Variants in SPMAP2L observed in about 807,000 individuals in gnomAD.
SPMAP2L encodes the protein sperm microtubule associated protein 2-like.
At chr4:56,624,528 G>T in the SPMAP2L span, among the ~76,000 whole-genome samples, 3 of 152,192 alleles carry the variant, frequency 2.0e-5, no homozygotes, top group African/African-American at 7.2e-5. Flanking sequence ...AGGCCTAGGA[G>T]GAAAAAGTGG....
the SPMAP2L span, among the ~76,000 whole-genome samples, chr4:56,614,630 G>A: frequency 2.0e-5 from 3 of 152,186 alleles, no homozygotes; most frequent in East Asian, 5.8e-4. Context: ...CTCCAGCCTG[G>A]GCGACAGAGC....
the SPMAP2L span, among the ~76,000 whole-genome samples, chr4:56,540,369 C>T: frequency 6.6e-6 from 1 of 152,060 alleles, no homozygotes; most frequent in Admixed American, 6.6e-5. Flanking sequence ...ATGCCAAAAC[C>T]CTGCCTCTGC....
the SPMAP2L span, chr4:56,594,094 A>C: frequency 6.2e-7 from 1 of 1,608,474 alleles, no homozygotes; most frequent in African/African-American, 1.3e-5. Context: ...TCAATGAAAA[A>C]GATCTGGACG....
At chr4:56,601,810 GA>G in the SPMAP2L span, among the ~76,000 whole-genome samples, 2 of 152,118 alleles carry the variant, frequency 1.3e-5, no homozygotes, top group Non-Finnish European at 2.9e-5. Flanking sequence ...GAGACAGTCT[GA>G]TAAGTATGTG....
chr4:56,577,416 T>C, the SPMAP2L span, among the ~76,000 whole-genome samples: 1 of 152,098 alleles, frequency 6.6e-6, no homozygotes, highest in Non-Finnish European at 1.5e-5. Context: ...GGATTGGCCA[T>C]ACTGATATCA....
At chr4:56,595,039 T>G in the SPMAP2L span, 3 of 1,608,492 alleles carry the variant, frequency 1.9e-6, no homozygotes, top group African/African-American at 2.7e-5. Flanking sequence ...TGAGGATGCC[T>G]GTCCTGTGGG....
the SPMAP2L span, among the ~76,000 whole-genome samples, chr4:56,553,997 G>GT: frequency 0.086 from 12,721 of 147,956 alleles, 596 homozygotes; most frequent in Admixed American, 0.13. Context: ...CTTCCTTTAT[G>GT]TTTTTTTTTT....
At chr4:56,544,135 T>C in the SPMAP2L span, among the ~76,000 whole-genome samples, 2 of 152,144 alleles carry the variant, frequency 1.3e-5, no homozygotes, top group East Asian at 3.9e-4. Flanking sequence ...ATTACAGGTG[T>C]GAGCCACCAC....
chr4:56,571,989 G>A, the SPMAP2L span, among the ~76,000 whole-genome samples: 2 of 152,174 alleles, frequency 1.3e-5, no homozygotes, highest in Admixed American at 1.3e-4. Flanking sequence ...ATGATAAAAG[G>A]CCTTTTTCTG....
chr4:56,613,870 T>G, the SPMAP2L span, among the ~76,000 whole-genome samples: 4 of 152,226 alleles, frequency 2.6e-5, no homozygotes, highest in Admixed American at 2.6e-4. Flanking sequence ...TCTGTGTATT[T>G]GGATAAATTA....
chr4:56,563,627 T>G, the SPMAP2L span, among the ~76,000 whole-genome samples: 1 of 152,140 alleles, frequency 6.6e-6, no homozygotes, highest in South Asian at 2.1e-4. Flanking sequence ...AGGTGGCCAT[T>G]TCTCTATCTC....
the SPMAP2L span, among the ~76,000 whole-genome samples, chr4:56,566,667 A>G: frequency 6.9e-6 from 1 of 144,318 alleles, no homozygotes; most frequent in African/African-American, 2.5e-5. Context: ...TTAATGTATG[A>G]TGTAAGATTC....
At chr4:56,612,030 T>C in the SPMAP2L span, among the ~76,000 whole-genome samples, 7 of 152,192 alleles carry the variant, frequency 4.6e-5, no homozygotes, top group Admixed American at 3.9e-4. Context: ...CGTGCTCCCA[T>C]TTGGGTGGTC....
the SPMAP2L span, among the ~76,000 whole-genome samples, chr4:56,622,746 C>T: frequency 6.6e-6 from 1 of 152,174 alleles, no homozygotes; most frequent in Non-Finnish European, 1.5e-5. Flanking sequence ...CAAGAGCCAC[C>T]TACATCCTTC....
chr4:56,553,587 T>G, the SPMAP2L span, among the ~76,000 whole-genome samples: 1 of 151,998 alleles, frequency 6.6e-6, no homozygotes, highest in Non-Finnish European at 1.5e-5. Context: ...AGAGTTTCCA[T>G]ATTTACCACC....
chr4:56,614,394 T>C, the SPMAP2L span, among the ~76,000 whole-genome samples: 1 of 152,020 alleles, frequency 6.6e-6, no homozygotes, highest in African/African-American at 2.4e-5. Flanking sequence ...GTGGCTCACA[T>C]CTGTAATCCC....
At chr4:56,537,847 C>T in the SPMAP2L span, among the ~76,000 whole-genome samples, 136 of 152,222 alleles carry the variant, frequency 8.9e-4, 1 homozygote, top group South Asian at 9.1e-3. Flanking sequence ...TGCCCGCCAC[C>T]ACGCCCGGCT....
chr4:56,585,168 A>G, the SPMAP2L span, among the ~76,000 whole-genome samples: 3 of 152,228 alleles, frequency 2.0e-5, no homozygotes, highest in Non-Finnish European at 4.4e-5. Context: ...TAACTTTAAC[A>G]TAAAAGACTG....
chr4:56,592,073 T>C, the SPMAP2L span, among the ~76,000 whole-genome samples: 1 of 152,192 alleles, frequency 6.6e-6, no homozygotes, highest in South Asian at 2.1e-4. Flanking sequence ...TGAGTGACCA[T>C]CACTACCTGA....
Sources: allele counts gnomAD v4.1 joint callset (sites outside exome capture counted in the v4.1 genomes callset), GRCh38; gene constraint gnomAD v4.1.1; transcripts MANE v1.5; gene names NCBI Gene and HGNC (gene_info 2026-07-23, HGNC 2026-07-21).